PHLPP1: variants seen among roughly 807,000 people sequenced by gnomAD.
PHLPP1 encodes the protein PH domain and leucine rich repeat protein phosphatase 1, also known as PH domain leucine-rich repeat-containing protein phosphatase 1.
A neutral mutation model predicts 117.2 loss-of-function variants in PHLPP1; 42 were observed. That is an observed-to-expected ratio of 0.36 (90% CI 0.28 to 0.46). The LOEUF (loss-of-function observed/expected upper bound fraction) is 0.46. Ranked by LOEUF, PHLPP1 falls within the 20% of genes least tolerant of loss-of-function variation. The pLI is 1.00. For missense variants in PHLPP1, 2,084 were observed against 2,241.9 expected, an observed-to-expected ratio of 0.93 and a Z score of 1.42; for synonymous variants, 1,042 against 970.7, an observed-to-expected ratio of 1.07 and a Z score of -1.37.
At chr18:62,722,080 A>G (rs1038187310) in intron 1 of PHLPP1, among the ~76,000 whole-genome samples, 1 of 152,194 alleles carries the variant, frequency 6.6e-6, no homozygotes, top group African/African-American at 2.4e-5. Context: ...TGTTAAACAC[A>G]CATACACACA....
At chr18:62,884,649 A>C (rs1318184290) in intron 4 of PHLPP1, among the ~76,000 whole-genome samples, 1 of 152,226 alleles carries the variant, frequency 6.6e-6, no homozygotes, top group Non-Finnish European at 1.5e-5. Context: ...GTGGGCTAGC[A>C]TGTGCCCCAC....
At position 62,895,199 on chromosome 18, in the gene PHLPP1, C is replaced by G. The variant is rs188822618; in HGVS notation, c.2213+42C>G. On this transcript the variant is annotated intron_variant, in intron 5 of 16. Coordinates refer to ENST00000262719, the MANE Select transcript of PHLPP1 (RefSeq NM_194449.4). ...CCACTGGCGGGTATATCCAGAAGCC[C>G]CAGGGAAGCTGCATTGGGGGTGTGG... The G allele has an allele frequency of 2.0e-4, 322 of 1,594,108 alleles. 2 individuals are homozygous for G. The highest frequency in any genetic ancestry group is 5.3e-5 in the Non-Finnish European group (62 of 1,166,340).
At chr18:62,923,674 C>T (rs1909541920) in intron 10 of PHLPP1, among the ~76,000 whole-genome samples, 1 of 151,886 alleles carries the variant, frequency 6.6e-6, no homozygotes, top group African/African-American at 2.4e-5. Flanking sequence ...AAATTTTTAC[C>T]TACCTATTTT....
chr18:62,797,774 A>G (rs1284899684), intron 1 of PHLPP1, among the ~76,000 whole-genome samples: 3 of 152,168 alleles, frequency 2.0e-5, no homozygotes. Flanking sequence ...CTCTTGGTAC[A>G]GTGAAATTAT....
chr18:62,833,738 G>GA (rs1914815451), intron 2 of PHLPP1, among the ~76,000 whole-genome samples: 1 of 152,066 alleles, frequency 6.6e-6, no homozygotes, highest in Admixed American at 6.6e-5. Context: ...TCTCTATAAT[G>GA]TCTACTGTAA....
rs116887642 is a variant in PHLPP1, at chr18:62,723,469, G to T, written c.1576+6210G>T. On this transcript the variant is annotated intron_variant, in intron 1 of 16. Transcript: ENST00000262719. ...TGAATTGGTTGTAATTTTTTTAAAG[G>T]GTTTTTCTCACATTCTGTTTAAGCA... is the stretch of plus-strand genomic sequence containing the variant. Among the ~76,000 whole-genome samples the T allele has an allele frequency of 3.3e-5, 5 of 152,178 alleles. No homozygotes were observed. In the East Asian group the frequency reaches 9.6e-4, roughly 29 times the overall value.
rs768705573 is a variant in PHLPP1, at chr18:62,895,890, A to G, written c.2323A>G (p.Ile775Val). The change falls in exon 6 of 17, where the codon ATT (isoleucine) becomes GTT (valine). Residue 775 changes from isoleucine (I) to valine (V), a missense_variant. Ile to Val is a conservative substitution (Grantham distance 29). Transcript: ENST00000262719. The stretch of plus-strand genomic sequence containing the variant: ...TCTTTCTTTCAATGAATTTACTGAC[A>G]TTCCCGAAGTATTGGAGAAATTGAC... ...LGLSFNEFTD[I>V]PEVLEKLTAV... The G allele has an allele frequency of 2.5e-6, 4 of 1,613,342 alleles. No individual in the cohort carries two copies. The highest frequency in any genetic ancestry group is 3.4e-6 in the Non-Finnish European group (4 of 1,179,278).
chr18:62,796,352 G>C (rs1028301143), intron 1 of PHLPP1, among the ~76,000 whole-genome samples: 1 of 152,336 alleles, frequency 6.6e-6, no homozygotes, highest in African/African-American at 2.4e-5. Flanking sequence ...AGTAGAGAGA[G>C]TAAGAGGCAG....
At chr18:62,945,642 T>C (rs973234026) in intron 12 of PHLPP1, among the ~76,000 whole-genome samples, 1 of 152,144 alleles carries the variant, frequency 6.6e-6, no homozygotes, top group East Asian at 1.9e-4. Context: ...TTTGAAAAGG[T>C]TAACAGTACC....
chr18:62,734,115 G>A (rs780254206), intron 1 of PHLPP1, among the ~76,000 whole-genome samples: 3 of 152,052 alleles, frequency 2.0e-5, no homozygotes, highest in Admixed American at 6.6e-5. Context: ...GGACATTCTT[G>A]TATTTCTTTT....
intron 6 of PHLPP1, among the ~76,000 whole-genome samples, chr18:62,901,663 G>A (rs1237616982): frequency 3.5e-5 from 5 of 144,348 alleles, no homozygotes; most frequent in Admixed American, 7.1e-5. Flanking sequence ...TCGCTCTGTC[G>A]CCCAGGCTAG....
At chr18:62,764,566 A>G (rs1191540498) in intron 1 of PHLPP1, among the ~76,000 whole-genome samples, 3 of 152,044 alleles carry the variant, frequency 2.0e-5, no homozygotes, top group Non-Finnish European at 4.4e-5. Context: ...AGCCTGGCCA[A>G]CATGGTGAAA....
chr18:62,772,876 G>A (rs1912834531), intron 1 of PHLPP1, among the ~76,000 whole-genome samples: 3 of 144,770 alleles, frequency 2.1e-5, no homozygotes, highest in Admixed American at 6.7e-5. Flanking sequence ...TTGTTCTTTG[G>A]AAGGTGTCCA....
At chr18:62,731,370 C>G (rs933302619) in intron 1 of PHLPP1, 2 of 152,036 alleles carry the variant, frequency 1.3e-5, no homozygotes, top group African/African-American at 4.8e-5. Context: ...GATCTGTGAT[C>G]GGTGATTTTT....
Position 62,871,620 on chromosome 18 carries a change from G to A in PHLPP1, c.2066+11019G>A, listed in dbSNP as rs567778141. 6.9e-5 allele frequency among the ~76,000 whole-genome samples: 10 copies of A among 145,980 alleles called. No homozygotes were observed. The East Asian group carries it at 1.0e-3, about 15-fold the overall frequency. On this transcript the variant is annotated intron_variant, in intron 4 of 16. Transcript: ENST00000262719. ...TGGGATTACAGGCGTGAGTCACCAC[G>A]CCTGGCCAAATTTAGCTCTGAAAAT...
At chr18:62,848,086 T>C (rs1476604808) in intron 3 of PHLPP1, among the ~76,000 whole-genome samples, 1 of 152,200 alleles carries the variant, frequency 6.6e-6, no homozygotes, top group Non-Finnish European at 1.5e-5. Flanking sequence ...CTTTATCTCA[T>C]AGATTTTTTT....
chr18:62,744,061 A>T (rs1350144039), intron 1 of PHLPP1, among the ~76,000 whole-genome samples: 1 of 152,202 alleles, frequency 6.6e-6, no homozygotes, highest in Non-Finnish European at 1.5e-5. Flanking sequence ...TTTGTTTGGT[A>T]GGCACAATTG....
intron 4 of PHLPP1, among the ~76,000 whole-genome samples, chr18:62,885,166 G>T (rs747490947): frequency 6.6e-6 from 1 of 152,208 alleles, no homozygotes; most frequent in Non-Finnish European, 1.5e-5. Flanking sequence ...GAAGGAGGAA[G>T]TATGTGAGGA....
At chr18:62,769,036 T>A (rs1371741929) in intron 1 of PHLPP1, among the ~76,000 whole-genome samples, 1 of 152,136 alleles carries the variant, frequency 6.6e-6, no homozygotes, top group Admixed American at 6.5e-5. Context: ...TAATATATCA[T>A]CTATAAATGA....
Sources: allele counts gnomAD v4.1 joint callset (sites outside exome capture counted in the v4.1 genomes callset), GRCh38; gene constraint gnomAD v4.1.1; transcripts MANE v1.5; gene names NCBI Gene and HGNC (gene_info 2026-07-23, HGNC 2026-07-21).